DSTN: variants seen among roughly 807,000 people sequenced by gnomAD.
DSTN encodes the protein destrin, actin depolymerizing factor.
Under a neutral mutation model 16.8 loss-of-function variants are expected in DSTN, and 10 were observed. The observed-to-expected ratio is 0.60, with a 90% CI of 0.37 to 1.01. The LOEUF is 1.01. DSTN is among the 50% of genes least tolerant of loss of function. The pLI is 0.01. For synonymous variants in DSTN, 57 were observed against 58.9 expected (o/e 0.97, Z 0.14); for missense variants, 141 against 196.7 (o/e 0.72, Z 1.69).
At chr20:17,599,585 G>T in intron 1 of DSTN, 1 of 152,408 alleles carries the variant, frequency 6.6e-6, no homozygotes. Flanking sequence ...TATTGGTCTT[G>T]GGGATAGGAG....
rs551335769 is a variant in DSTN at position 17,609,049 on chromosome 20, G to A, written c.*1903G>A. 7 of 152,258 alleles carry A rather than the reference G, an allele frequency of 4.6e-5. No homozygotes were observed. Among genetic ancestry groups the A allele is most frequent in the African/African-American group, 1.4e-4 (6 of 41,536 alleles). The allele number at this position is 152,258 out of a possible 1,614,324, so 9.4% of individuals were successfully genotyped here. A position where few individuals can be genotyped will look rare whatever the true frequency, so the allele number is the denominator to read the frequency against. ...GCCACTAGGTTTAAGTGCAGTCTAG[G>A]GTGGGGAACATTTTAATGTTGATCC... is the stretch of plus-strand genomic sequence containing the variant. On this transcript the variant is annotated 3_prime_UTR_variant, in exon 4 of 4. Coordinates refer to ENST00000246069, the MANE Select transcript of DSTN (RefSeq NM_006870.4).
At position 17,607,248 on chromosome 20, in the gene DSTN, C is replaced by A; in HGVS notation, c.*102C>A. 1 of 983,776 alleles carries A rather than the reference C, an allele frequency of 1.0e-6. No individual in the cohort carries two copies. The allele number at this position is 983,776 out of a possible 1,614,324, so 60.9% of individuals were successfully genotyped here. On this transcript the variant is annotated 3_prime_UTR_variant, in exon 4 of 4. Coordinates refer to ENST00000246069, the MANE Select transcript of DSTN (RefSeq NM_006870.4). ...AGGCCAGGGTCTCACTGAGGGGGAG[C>A]TGTCTTGTCATCTTTTAGAGTAAAC...
chr20:17,604,564 A>G lies in DSTN; in HGVS notation c.321A>G (p.Glu107=), dbSNP rs1243517237. The G allele has an allele frequency of 9.9e-6, 16 of 1,611,638 alleles. No individual in the cohort carries two copies. Among genetic ancestry groups the G allele is most frequent in the Non-Finnish European group, 1.4e-5 (16 of 1,179,486 alleles). The part of the protein sequence containing the change: ...EELMFFLWAP[E]LAPLKSKMIY... Reference sequence around the variant, plus strand: ...GCATCTTTCTATCTAGGGCACCAGAACTAGCACCTCTGAAAAGTAAAATGA... The same window carrying G: ...GCATCTTTCTATCTAGGGCACCAGAGCTAGCACCTCTGAAAAGTAAAATGA... The change falls in exon 3 of 4, where the codon GAA becomes GAG. Residue 107 remains glutamate, a synonymous_variant. Transcript: ENST00000246069.
intron 1 of DSTN, among the ~76,000 whole-genome samples, chr20:17,586,763 T>C (rs1775424300): frequency 6.6e-6 from 1 of 152,230 alleles, no homozygotes; most frequent in East Asian, 1.9e-4. Flanking sequence ...TTCTGGTTAA[T>C]GTAAGAGTCT....
At chr20:17,591,301 C>T (rs1445947439) in intron 1 of DSTN, among the ~76,000 whole-genome samples, 2 of 150,872 alleles carry the variant, frequency 1.3e-5, no homozygotes, top group East Asian at 1.9e-4. Flanking sequence ...CAAGAACTCT[C>T]AACTATTATT....
chr20:17,592,284 G>T (rs189931871), intron 1 of DSTN, among the ~76,000 whole-genome samples: 2 of 151,882 alleles, frequency 1.3e-5, no homozygotes, highest in South Asian at 4.2e-4. Flanking sequence ...AAAATTAGCT[G>T]GGTGTGGTGG....
chr20:17,588,122 A>G (rs892935177), intron 1 of DSTN, among the ~76,000 whole-genome samples: 12 of 152,188 alleles, frequency 7.9e-5, no homozygotes, highest in African/African-American at 2.9e-4. Context: ...AGACCTCAAA[A>G]TCATCTTTGC....
chr20:17,582,685 T>C (rs1024100283), intron 1 of DSTN, among the ~76,000 whole-genome samples: 5 of 152,308 alleles, frequency 3.3e-5, no homozygotes, highest in African/African-American at 1.2e-4. Context: ...TGCTTCATAC[T>C]GTATGTTGTA....
chr20:17,604,042 CA>C (rs1180810785), intron 2 of DSTN, among the ~76,000 whole-genome samples: 4 of 151,904 alleles, frequency 2.6e-5, no homozygotes, highest in Non-Finnish European at 5.9e-5. Flanking sequence ...TTTTAGAAAA[CA>C]ATCTGAAGCA....
chr20:17,581,469 C>T lies in DSTN; in HGVS notation c.3+11258C>T, dbSNP rs76421391. ...TTGCCCTCCAGCCTGAGTGACAAAG[C>T]GAGACCCTGTCCCTAAACAAACAAA... On this transcript the variant is annotated intron_variant, in intron 1 of 3. Transcript: ENST00000246069. 9.9e-5 allele frequency among the ~76,000 whole-genome samples: 15 copies of T among 151,896 alleles called. No homozygotes were observed. In the East Asian group the frequency reaches 2.3e-3, roughly 24 times the overall value.
chr20:17,585,690 T>C (rs1199190708), intron 1 of DSTN, among the ~76,000 whole-genome samples: 2 of 152,196 alleles, frequency 1.3e-5, no homozygotes, highest in Admixed American at 6.5e-5. Flanking sequence ...TATATAGTTG[T>C]GTAACTACAG....
At chr20:17,578,637 A>G (rs113818200) in intron 1 of DSTN, among the ~76,000 whole-genome samples, 1 of 152,192 alleles carries the variant, frequency 6.6e-6, no homozygotes, top group South Asian at 2.1e-4. Flanking sequence ...CCTGAACCAT[A>G]GAAAAGCGCT....
intron 1 of DSTN, among the ~76,000 whole-genome samples, chr20:17,582,358 T>G (rs1407356188): frequency 6.6e-6 from 1 of 152,046 alleles, no homozygotes; most frequent in Non-Finnish European, 1.5e-5. Context: ...GGATTACAGG[T>G]GTGAACCACC....
intron 1 of DSTN, among the ~76,000 whole-genome samples, chr20:17,582,240 C>T (rs1036748427): frequency 5.3e-5 from 8 of 151,884 alleles, no homozygotes; most frequent in South Asian, 2.1e-4. Context: ...CACCACGCCT[C>T]GCTAATTTTT....
At chr20:17,580,750 A>G (rs1348079223) in intron 1 of DSTN, among the ~76,000 whole-genome samples, 1 of 129,856 alleles carries the variant, frequency 7.7e-6, no homozygotes, top group Non-Finnish European at 1.6e-5. Context: ...CTCCGTCTCA[A>G]AAAAAAAAAA....
In DSTN at chr20:17,580,545, G is replaced by C. The variant is rs368941045; in HGVS notation, c.3+10334G>C. Among the ~76,000 whole-genome samples the C allele has an allele frequency of 5.0e-4, 76 of 152,256 alleles. 1 individual carries two copies. The highest frequency in any genetic ancestry group is 1.8e-3 in the African/African-American group (73 of 41,538). ...GTGGATCACCTGAGGTCAGGAGTTT[G>C]AGACCAGCCTGGCCAACATGGTGAA... On this transcript the variant is annotated intron_variant, in intron 1 of 3. Coordinates refer to ENST00000246069, the MANE Select transcript of DSTN (RefSeq NM_006870.4).
Position 17,609,224 on chromosome 20 carries a change from G to A in DSTN, c.*2078G>A, listed in dbSNP as rs2035673841. 1 of 152,046 alleles carries A rather than the reference G, an allele frequency of 6.6e-6. No homozygotes were observed. The allele number at this position is 152,046 out of a possible 1,614,324, so 9.4% of individuals were successfully genotyped here. ...TTTTAGTGTGGGTTTTGTTTTTTGA[G>A]ACAGGGTCTCACTCTTTCCCCCAGG... is the stretch of plus-strand genomic sequence containing the variant. On this transcript the variant is annotated 3_prime_UTR_variant, in exon 4 of 4. Transcript: ENST00000246069.
intron 1 of DSTN, among the ~76,000 whole-genome samples, chr20:17,587,496 T>C (rs1367215264): frequency 6.6e-6 from 1 of 152,208 alleles, no homozygotes; most frequent in Non-Finnish European, 1.5e-5. Context: ...CTTTCCAAAT[T>C]AACACTCGGA....
At chr20:17,581,598 G>C (rs912613087) in intron 1 of DSTN, among the ~76,000 whole-genome samples, 1 of 152,118 alleles carries the variant, frequency 6.6e-6, no homozygotes, top group East Asian at 1.9e-4. Flanking sequence ...TATATTTTGG[G>C]GGTAGAGCTG....
Sources: gnomAD v4.1 joint callset for allele counts (sites outside exome capture counted in the v4.1 genomes callset) on GRCh38, gnomAD v4.1.1 for gene constraint, MANE v1.5 for transcripts, NCBI Gene and HGNC (gene_info 2026-07-23, HGNC 2026-07-21) for gene names.